Variants in PASD1 observed in about 807,000 individuals in gnomAD.
The protein encoded by PASD1 is circadian clock protein PASD1.
PASD1 carries 13 observed loss-of-function variants against 58.8 expected under a neutral mutation model. The ratio of observed to expected loss-of-function variants is 0.22; its 90% CI spans 0.14 to 0.35. PASD1 has a LOEUF of 0.35. Among genes scored for constraint, PASD1 ranks in the 10% least tolerant of loss-of-function variants. The pLI is 1.00. For synonymous variants in PASD1, 236 were observed against 216.7 expected (o/e 1.09, Z -0.78); for missense variants, 734 against 568.3 (o/e 1.29, Z -2.96).
intron 11 of PASD1, 140 bp from the exon 12 acceptor site, chrX:151,670,898 T>C: frequency 1.4e-6 from 1 of 710,080 alleles, no homozygotes; most frequent in Non-Finnish European, 2.1e-6. Context: ...TTTCAAACTT[T>C]CTAGTAATGA....
intron 8 of PASD1, among the ~76,000 whole-genome samples, chrX:151,633,597 T>A: frequency 8.9e-6 from 1 of 111,834 alleles, no homozygotes; most frequent in Non-Finnish European, 1.9e-5. Context: ...TATGATGTGA[T>A]CTCTAGCCAA....
intron 8 of PASD1, among the ~76,000 whole-genome samples, chrX:151,640,377 A>G (rs768137667): frequency 8.9e-6 from 1 of 112,265 alleles, no homozygotes; most frequent in East Asian, 2.8e-4. Flanking sequence ...AAAATATTTG[A>G]TAATGGATCC....
chrX:151,662,620 TAAC>T (rs1487216974), intron 10 of PASD1, among the ~76,000 whole-genome samples: 1 of 110,961 alleles, frequency 9.0e-6, no homozygotes, highest in Non-Finnish European at 1.9e-5. Context: ...TTTCAGCATG[TAAC>T]AACCAACAAC....
At chrX:151,628,391 A>T (rs1396685495) in intron 8 of PASD1, among the ~76,000 whole-genome samples, 1 of 112,214 alleles carries the variant, frequency 8.9e-6, no homozygotes, top group Non-Finnish European at 1.9e-5. Context: ...TATAAGGTGT[A>T]AGGAAGCGAT....
intron 1 of PASD1, among the ~76,000 whole-genome samples, chrX:151,599,709 C>T (rs867805852): frequency 8.9e-4 from 97 of 108,848 alleles, no homozygotes; most frequent in African/African-American, 2.6e-3. Flanking sequence ...AGACAATGGG[C>T]GGCCGGGCAG....
chrX:151,654,088 G>T (rs1206220344), intron 9 of PASD1, among the ~76,000 whole-genome samples: 2 of 103,067 alleles, frequency 1.9e-5, no homozygotes, highest in East Asian at 6.1e-4. Flanking sequence ...TCCCAACTCA[G>T]CCTCCCAAGT....
At position 151,675,583 on chromosome X, in the gene PASD1, G is replaced by T. The variant is rs2014533844; in HGVS notation, c.2176-414G>T. On this transcript the variant is annotated intron_variant, in intron 15 of 15. Transcript: ENST00000370357. ...TTCCTTCTCCCTCCTCCACACCCCA[G>T]TGTGGGTTGGTACGTCTCCTGTCAC... 2.7e-5 allele frequency among the ~76,000 whole-genome samples: 3 copies of T among 112,324 alleles called. No individual in the cohort carries two copies. In the South Asian group the frequency reaches 1.1e-3, roughly 42 times the overall value.
At chrX:151,605,748 ACTACTAT>A (rs1471805751) in intron 3 of PASD1, among the ~76,000 whole-genome samples, 1 of 110,069 alleles carries the variant, frequency 9.1e-6, no homozygotes, top group East Asian at 2.9e-4. Flanking sequence ...AGAGGTGCAC[ACTACTAT>A]GTTCAGCTCA....
At chrX:151,575,164 T>G (rs2012984351) in intron 1 of PASD1, among the ~76,000 whole-genome samples, 1 of 99,491 alleles carries the variant, frequency 1.0e-5, no homozygotes, top group South Asian at 4.5e-4. Context: ...GGGAGGAGAC[T>G]AAAGACATTT....
At chrX:151,628,743 T>G (rs891680970) in intron 8 of PASD1, among the ~76,000 whole-genome samples, 2 of 111,952 alleles carry the variant, frequency 1.8e-5, no homozygotes, top group Non-Finnish European at 3.8e-5. Context: ...CATTGGTAGC[T>G]TGATGGGGAT....
intron 8 of PASD1, among the ~76,000 whole-genome samples, chrX:151,634,389 C>A (rs1473753473): frequency 2.7e-5 from 3 of 111,343 alleles, no homozygotes; most frequent in Admixed American, 9.6e-5. Context: ...TATTATAATA[C>A]ATAACCTTAG....
chrX:151,586,493 A>G (rs2013167092), intron 1 of PASD1, among the ~76,000 whole-genome samples: 1 of 111,939 alleles, frequency 8.9e-6, no homozygotes, highest in South Asian at 3.7e-4. Flanking sequence ...CAGTACCCTC[A>G]TGTGGGAAAT....
chrX:151,621,059 T>C lies in PASD1; in HGVS notation c.307+30T>C, dbSNP rs41311362. ...GTATATTTTTAAAAGTAGTAAATTC[T>C]TAGGTTTTAAGGGACAAGTAACAAT... On this transcript the variant is annotated intron_variant, in intron 5 of 15. Transcript: ENST00000370357. 9.1e-3 allele frequency: 9,562 copies of C among 1,048,891 alleles called. 33 individuals are homozygous for C. The highest frequency in any genetic ancestry group is 0.011 in the Non-Finnish European group (8,460 of 760,919). The allele number at this position is 1,048,891 out of a possible 1,213,427, so 86.4% of individuals were successfully genotyped here.
At chrX:151,594,038 G>A (rs767161013) in intron 1 of PASD1, among the ~76,000 whole-genome samples, 139 of 111,170 alleles carry the variant, frequency 1.3e-3, no homozygotes, top group Non-Finnish European at 2.2e-3. Context: ...CAGTGGCACG[G>A]TCTCGGCTCA....
At chrX:151,565,479 C>G (rs953506079) in intron 1 of PASD1, among the ~76,000 whole-genome samples, 1 of 110,184 alleles carries the variant, frequency 9.1e-6, no homozygotes, top group Non-Finnish European at 1.9e-5. Flanking sequence ...AAAGAACAGG[C>G]GTGAGGGCTG....
chrX:151,568,259 A>G (rs1231902088), intron 1 of PASD1, among the ~76,000 whole-genome samples: 1 of 111,735 alleles, frequency 8.9e-6, no homozygotes, highest in Admixed American at 9.5e-5. Flanking sequence ...GAGTCTAGCT[A>G]ATGTCCCAGT....
intron 1 of PASD1, among the ~76,000 whole-genome samples, chrX:151,569,085 A>T (rs1177416924): frequency 1.8e-5 from 2 of 111,901 alleles, no homozygotes; most frequent in Non-Finnish European, 3.8e-5. Context: ...TAATAATTTT[A>T]AAGTGTGGAT....
rs1468554458 is a variant in PASD1 at position 151,656,552 on chromosome X, TCTC to T, written c.718-3158_718-3156del. On this transcript the variant is annotated intron_variant, in intron 9 of 15. Transcript: ENST00000370357. ...ATTTCGTTGAGCAGTGGTTTGTAGT[TCTC>T]CTTGAAGAGGTCCTTCACATCCCTT... 4.5e-5 allele frequency among the ~76,000 whole-genome samples: 5 copies of T among 111,527 alleles called. No individual in the cohort carries two copies. In the East Asian group the frequency reaches 1.4e-3, roughly 31 times the overall value.
Position 151,676,351 on chromosome X carries a change from T to C in PASD1, c.*208T>C. 2.6e-6 allele frequency: 1 copy of C among 388,652 alleles called. No homozygotes were observed. The highest frequency in any genetic ancestry group is 4.3e-6 in the Non-Finnish European group (1 of 233,326). The allele number at this position is 388,652 out of a possible 1,213,427, so 32.0% of individuals were successfully genotyped here. ...GAAGTTATGCTGTAGAGGCAGCCTG[T>C]GATCCGTAGTATGCTAGGGTGTGAC... On this transcript the variant is annotated 3_prime_UTR_variant, in exon 16 of 16. Transcript: ENST00000370357.
Sources: allele counts gnomAD v4.1 joint callset (sites outside exome capture counted in the v4.1 genomes callset), GRCh38; gene constraint gnomAD v4.1.1; transcripts MANE v1.5; gene names NCBI Gene and HGNC (gene_info 2026-07-23, HGNC 2026-07-21).